The following HNF4A variants were observed in gnomAD, a reference collection of about 807,000 sequenced individuals.
The protein encoded by HNF4A is hepatocyte nuclear factor 4 alpha.
Under a neutral mutation model 52.4 loss-of-function variants are expected in HNF4A, and 15 were observed. The observed-to-expected ratio is 0.29, with a 90% CI of 0.19 to 0.44. The LOEUF (loss-of-function observed/expected upper bound fraction) is 0.44, where lower values mean the gene tolerates loss of function less well. Ranked by LOEUF, HNF4A falls within the 20% of genes least tolerant of loss-of-function variation. The pLI is 1.00. For missense variants in HNF4A, 479 were observed against 647.2 expected (o/e 0.74, Z 2.82); for synonymous variants, 280 against 264.4 (o/e 1.06, Z -0.57).
chr20:44,387,668 A>AGGGGGGGGGG (rs2063245830), intron 1 of HNF4A, among the ~76,000 whole-genome samples: 1 of 5,236 alleles, frequency 1.9e-4, no homozygotes, highest in African/African-American at 6.9e-4. Context: ...GGGGGGGGGG[A>AGGGGGGGGGG]GGCGGGGGGG....
intron 1 of HNF4A, chr20:44,391,955 T>C (rs902211847): frequency 6.6e-6 from 1 of 152,176 alleles, no homozygotes; most frequent in African/African-American, 2.4e-5. Flanking sequence ...CAAAACTAAA[T>C]GTAAAGATGT....
At chr20:44,362,563 G>C (rs2062928712) in intron 1 of HNF4A, among the ~76,000 whole-genome samples, 1 of 151,762 alleles carries the variant, frequency 6.6e-6, no homozygotes, top group East Asian at 1.9e-4. Context: ...CCCCTTTTAT[G>C]TAATGGGCAA....
intron 5 of HNF4A, among the ~76,000 whole-genome samples, chr20:44,417,731 G>A (rs1314601261): frequency 6.6e-6 from 1 of 152,102 alleles, no homozygotes; most frequent in Non-Finnish European, 1.5e-5. Context: ...TCAGCACTTT[G>A]GGAGGCTGAG....
At chr20:44,371,822 A>C (rs1416160510) in intron 1 of HNF4A, among the ~76,000 whole-genome samples, 1 of 152,098 alleles carries the variant, frequency 6.6e-6, no homozygotes, top group Middle Eastern at 3.2e-3. Context: ...GACCCTGTCA[A>C]AAAAATAAAT....
rs766090748 is a variant in HNF4A, at chr20:44,429,496, C to T, written c.1283-27C>T. 4.3e-6 allele frequency: 7 copies of T among 1,614,128 alleles called. No individual in the cohort carries two copies. The South Asian group carries it at 7.7e-5, about 18-fold the overall frequency. Reference sequence around the variant, plus strand: ...CCACAAAGGCTGGAATTTTGAGCAGCCCCTGTCTGTCTGTTTGTCCTTCCA... The same window carrying T: ...CCACAAAGGCTGGAATTTTGAGCAGTCCCTGTCTGTCTGTTTGTCCTTCCA... On this transcript the variant is annotated intron_variant, in intron 9 of 9. Coordinates refer to ENST00000316099, the MANE Select transcript of HNF4A (RefSeq NM_000457.6).
rs548931066 is a variant in HNF4A, at chr20:44,370,089, C to G, written c.49+14236C>G. ...TCACCCAGGCTGGAGTGCGGTGGCG[C>G]GATCTCGGCTCACTGCAAGCTCCGC... On this transcript the variant is annotated intron_variant, in intron 1 of 9. Coordinates refer to the HNF4A transcript ENST00000316673. Among the ~76,000 whole-genome samples, 642 of 151,916 alleles carry G rather than the reference C, an allele frequency of 4.2e-3. 5 individuals carry two copies. The highest frequency in any genetic ancestry group is 0.014 in the African/African-American group (595 of 41,436).
At chr20:44,429,438 G>A in intron 9 of HNF4A, 85 bp from the exon 10 acceptor site, 1 of 1,490,448 alleles carries the variant, frequency 6.7e-7, no homozygotes, top group Non-Finnish European at 9.3e-7. Context: ...CAGGGTGGGA[G>A]GGGAGAACTT....
chr20:44,379,463 CACTT>C (rs1568698282), intron 1 of HNF4A, among the ~76,000 whole-genome samples: 1 of 152,154 alleles, frequency 6.6e-6, no homozygotes, highest in Non-Finnish European at 1.5e-5. Flanking sequence ...TCTTCACCAA[CACTT>C]ACTATTGTCT....
intron 1 of HNF4A, among the ~76,000 whole-genome samples, chr20:44,387,911 G>C (rs749513345): frequency 6.6e-6 from 1 of 152,082 alleles, no homozygotes; most frequent in Non-Finnish European, 1.5e-5. Flanking sequence ...CAAGATGTTG[G>C]CTTGAATAAT....
In HNF4A at chr20:44,424,251, G is replaced by C. The variant is rs1568741506; in HGVS notation, c.1126G>C (p.Gly376Arg). 6.2e-7 allele frequency: 1 copy of C among 1,613,898 alleles called. No individual in the cohort carries two copies. The change falls in exon 8 of 10, where the codon GGA (glycine) becomes CGA (arginine). Residue 376 changes from glycine (G) to arginine (R), a missense_variant. Around this residue, in one of 3 missense-constraint regions of HNF4A, gnomAD observed 389 missense variants for 525.1 expected, o/e 0.74. Coordinates refer to ENST00000316099, the MANE Select transcript of HNF4A (RefSeq NM_000457.6). ...CAACCTGTTGCAGGAGATGCTGCTG[G>C]GAGGTCCGTGCCAAGCCCAGGAGGG...
chr20:44,382,744 A>C (rs1295751378), intron 1 of HNF4A, among the ~76,000 whole-genome samples: 1 of 152,102 alleles, frequency 6.6e-6, no homozygotes, highest in Non-Finnish European at 1.5e-5. Flanking sequence ...CCACCAAGTA[A>C]AACCTCTAGA....
At chr20:44,370,087 C>T (rs2063016527) in intron 1 of HNF4A, among the ~76,000 whole-genome samples, 1 of 152,150 alleles carries the variant, frequency 6.6e-6, no homozygotes, top group African/African-American at 2.4e-5. Context: ...AGTGCGGTGG[C>T]GCGATCTCGG....
upstream of HNF4A, among the ~76,000 whole-genome samples, chr20:44,399,930 G>C (rs922972145): frequency 4.6e-5 from 7 of 152,136 alleles, no homozygotes; most frequent in African/African-American, 1.4e-4. Flanking sequence ...TGGAGGACAG[G>C]CTCCCAGGCC....
chr20:44,405,969 C>G, intron 1 of HNF4A, 89 bp from the exon 2 acceptor site: 1 of 1,298,540 alleles, frequency 7.7e-7, no homozygotes, highest in Non-Finnish European at 1.1e-6. Flanking sequence ...TGGCTGAGGC[C>G]GAAGCCCTGG....
intron 1 of HNF4A, among the ~76,000 whole-genome samples, chr20:44,385,057 ATCTTTTT>A (rs1186441980): frequency 8.0e-4 from 24 of 29,938 alleles, no homozygotes; most frequent in Admixed American, 2.2e-3. Context: ...GAACTCTGTG[ATCTTTTT>A]TTTTTTTTTT....
chr20:44,375,512 C>G (rs1600650077), intron 1 of HNF4A, among the ~76,000 whole-genome samples: 1 of 149,240 alleles, frequency 6.7e-6, no homozygotes, highest in South Asian at 2.1e-4. Flanking sequence ...TTTTTTGAGA[C>G]AGGGTCTTGC....
At position 44,429,797 on chromosome 20, in the gene HNF4A, G is replaced by A; in HGVS notation, c.*132G>A. 2 of 952,346 alleles carry A rather than the reference G, an allele frequency of 2.1e-6. No individual in the cohort carries two copies. Among genetic ancestry groups the A allele is most frequent in the South Asian group, 1.5e-5 (1 of 66,368 alleles). The allele number at this position is 952,346 out of a possible 1,614,324, so 59.0% of individuals were successfully genotyped here. A position where few individuals can be genotyped will look rare whatever the true frequency, so the allele number is the denominator to read the frequency against. On this transcript the variant is annotated 3_prime_UTR_variant, in exon 10 of 10. Coordinates refer to ENST00000316099, the MANE Select transcript of HNF4A (RefSeq NM_000457.6). ...CCAGAGCAGGAATGGGAAGGATGAA[G>A]GGCCCGAGAACATGGCCTAAGGGCC...
At chr20:44,365,404 C>T (rs2062960641) in intron 1 of HNF4A, among the ~76,000 whole-genome samples, 1 of 151,972 alleles carries the variant, frequency 6.6e-6, no homozygotes, top group African/African-American at 2.4e-5. Context: ...CTACTCCTGT[C>T]CTCAATCTTC....
chr20:44,405,025 G>C (rs2063477229), intron 1 of HNF4A, among the ~76,000 whole-genome samples: 2 of 150,632 alleles, frequency 1.3e-5, no homozygotes, highest in Middle Eastern at 3.4e-3. Context: ...TGTGTGGACT[G>C]TGTGGTGCGT....
Sources: allele counts gnomAD v4.1 joint callset (sites outside exome capture counted in the v4.1 genomes callset), GRCh38; gene constraint gnomAD v4.1.1; regional missense constraint gnomAD v4.1.1; transcripts MANE v1.5; gene names NCBI Gene and HGNC (gene_info 2026-07-23, HGNC 2026-07-21).